Variants in FBXW4 observed in about 807,000 individuals in gnomAD.
FBXW4 encodes F-box and WD repeat domain containing 4, also known as F-box/WD repeat-containing protein 4.
In FBXW4, 40 loss-of-function variants were observed where a neutral mutation model predicts 61.8. That is an observed-to-expected ratio of 0.65 (90% CI 0.50 to 0.84). FBXW4 has a LOEUF of 0.84. Among genes scored for constraint, FBXW4 ranks in the 40% least tolerant of loss-of-function variants. The probability of loss-of-function intolerance (pLI) is 0.00; values close to 1 mark genes in which losing one functional copy is unlikely to be tolerated. For synonymous variants in FBXW4, 311 were observed against 313.8 expected, an observed-to-expected ratio of 0.99 and a Z score of 0.10; for missense variants, 672 against 753.8, an observed-to-expected ratio of 0.89 and a Z score of 1.27.
chr10:101,660,303 A>C, intron 5 of FBXW4: 1 of 579,974 alleles, frequency 1.7e-6, no homozygotes, highest in Non-Finnish European at 2.1e-6. Context: ...GGCTACAATT[A>C]CACACTTGCT....
At chr10:101,693,243 A>G (rs1321849408) in intron 1 of FBXW4, among the ~76,000 whole-genome samples, 3 of 152,242 alleles carry the variant, frequency 2.0e-5, no homozygotes, top group Non-Finnish European at 4.4e-5. Flanking sequence ...AACCTTTGCT[A>G]TAATGCCACC....
intron 1 of FBXW4, among the ~76,000 whole-genome samples, chr10:101,683,289 C>T (rs1337439117): frequency 2.0e-5 from 3 of 152,192 alleles, no homozygotes; most frequent in Non-Finnish European, 2.9e-5. Flanking sequence ...TAAATCTCTC[C>T]GTGGATGTTA....
chr10:101,694,319 G>A lies in FBXW4; in HGVS notation c.725+62C>T, dbSNP rs2064647146. 1.5e-6 allele frequency: 2 copies of A among 1,327,682 alleles called. No homozygotes were observed. The highest frequency in any genetic ancestry group is 4.1e-5 in the Admixed American group (1 of 24,100). The allele number at this position is 1,327,682 out of a possible 1,614,324, so 82.2% of individuals were successfully genotyped here. On this transcript the variant is annotated intron_variant, in intron 1 of 8. Coordinates refer to ENST00000331272, the MANE Select transcript of FBXW4 (RefSeq NM_022039.4). This position sits in a 1 kb window ranked among gnomAD's most constrained non-coding sequence, Gnocchi z 6.0. ...TGGGCCGACCAGGCCGCGGCGCCCC[G>A]CCCTTTCCCGGGACGCGGGGCCGGC...
At chr10:101,613,339 C>T (rs1298896172) in intron 6 of FBXW4, among the ~76,000 whole-genome samples, 2 of 152,242 alleles carry the variant, frequency 1.3e-5, no homozygotes, top group Non-Finnish European at 2.9e-5. Flanking sequence ...ATCCCTGCAG[C>T]CAGGGGATGG....
intron 5 of FBXW4, among the ~76,000 whole-genome samples, chr10:101,627,735 T>C (rs1478676147): frequency 1.3e-5 from 2 of 152,164 alleles, no homozygotes; most frequent in African/African-American, 4.8e-5. Flanking sequence ...ACAAGATAGA[T>C]ATTATTATTC....
chr10:101,623,081 G>A (rs2063880685), intron 6 of FBXW4: 1 of 152,160 alleles, frequency 6.6e-6, no homozygotes, highest in Non-Finnish European at 1.5e-5. Context: ...AGCTATTAGG[G>A]AAATTCAAAT....
intron 6 of FBXW4, among the ~76,000 whole-genome samples, chr10:101,613,572 C>A (rs532786519): frequency 6.6e-6 from 1 of 152,342 alleles, no homozygotes; most frequent in South Asian, 2.1e-4. Context: ...GCCCAAGTAG[C>A]ATGTCAGCAA....
intron 2 of FBXW4, among the ~76,000 whole-genome samples, chr10:101,675,384 G>A (rs747630215): frequency 1.3e-5 from 2 of 152,140 alleles, no homozygotes; most frequent in Non-Finnish European, 2.9e-5. Flanking sequence ...AGAATCCCAG[G>A]GCAGCCTGGT....
rs1323317567 is a variant in FBXW4, at chr10:101,653,737, T to C, written c.1235+14149A>G. ...ACATGCATTGTTTCCGCAATTGCAC[T>C]ATAAGCTCCTACACGGTAAAAACAA... is the stretch of plus-strand genomic sequence containing the variant. On this transcript the variant is annotated intron_variant, in intron 5 of 8. Coordinates refer to ENST00000331272, the MANE Select transcript of FBXW4 (RefSeq NM_022039.4). Among the ~76,000 whole-genome samples the C allele has an allele frequency of 2.6e-5, 4 of 152,340 alleles. No individual in the cohort carries two copies. In the East Asian group the frequency reaches 7.7e-4, roughly 29 times the overall value.
At chr10:101,612,059 C>T (rs1230088791) in intron 7 of FBXW4, among the ~76,000 whole-genome samples, 1 of 152,238 alleles carries the variant, frequency 6.6e-6, no homozygotes, top group Non-Finnish European at 1.5e-5. Context: ...TAACACAGGC[C>T]TCAAGAAAGG....
At chr10:101,691,615 T>C (rs537929894) in intron 1 of FBXW4, among the ~76,000 whole-genome samples, 1 of 152,052 alleles carries the variant, frequency 6.6e-6, no homozygotes, top group Non-Finnish European at 1.5e-5. Context: ...ATTCCCAATA[T>C]CTCTCTTTTA....
chr10:101,694,578 G>A lies in FBXW4; in HGVS notation c.528C>T (p.Arg176=), dbSNP rs906822840. The change falls in exon 1 of 9, where the codon CGC becomes CGT. Residue 176 remains arginine, a synonymous_variant. Coordinates refer to ENST00000331272, the MANE Select transcript of FBXW4 (RefSeq NM_022039.4). The surrounding 1 kb of genome is among the most constrained non-coding windows in gnomAD (Gnocchi z 6.0). ...GCCAGAGCGCAGGCCCCGCGGCCGG[G>A]CGGGCAGCCGACTCCCGAGCCGCCT... The part of the protein sequence containing the change: ...EEEAARESAA[R]PAAGPALWRL... The A allele has an allele frequency of 3.4e-6, 5 of 1,462,974 alleles. No homozygotes were observed. In the African/African-American group the frequency reaches 5.9e-5, roughly 17 times the overall value. 90.6% of individuals were successfully genotyped at this position (1,462,974 alleles called of 1,614,324 possible). A position where few individuals can be genotyped will look rare whatever the true frequency, so the allele number is the denominator to read the frequency against.
chr10:101,685,591 G>A (rs549427210), intron 1 of FBXW4, among the ~76,000 whole-genome samples: 21 of 152,302 alleles, frequency 1.4e-4, no homozygotes, highest in Non-Finnish European at 2.2e-4. Context: ...AAGAGAACAA[G>A]GTCAGGGCTG....
At chr10:101,678,378 T>C (rs1397834282) in intron 1 of FBXW4, among the ~76,000 whole-genome samples, 1 of 152,228 alleles carries the variant, frequency 6.6e-6, no homozygotes, top group Non-Finnish European at 1.5e-5. Flanking sequence ...ATAACTGCCA[T>C]GTCTGCCTGG....
chr10:101,614,539 A>G (rs2063812063), intron 6 of FBXW4, among the ~76,000 whole-genome samples: 1 of 152,194 alleles, frequency 6.6e-6, no homozygotes, highest in Non-Finnish European at 1.5e-5. Flanking sequence ...GGGGAGAGCC[A>G]AGGGCCCAGT....
At chr10:101,622,028 T>A (rs1005074962) in intron 6 of FBXW4, among the ~76,000 whole-genome samples, 5 of 151,086 alleles carry the variant, frequency 3.3e-5, no homozygotes, top group Non-Finnish European at 7.4e-5. Context: ...AAGTAGGGAG[T>A]TTCCCATCCC....
intron 5 of FBXW4, among the ~76,000 whole-genome samples, chr10:101,649,415 T>G (rs567423214): frequency 6.6e-6 from 1 of 152,122 alleles, no homozygotes; most frequent in Non-Finnish European, 1.5e-5. Flanking sequence ...CTCTCAGGCT[T>G]TTTATGAGCT....
At chr10:101,665,810 C>T (rs969049667) in intron 5 of FBXW4, among the ~76,000 whole-genome samples, 14 of 152,086 alleles carry the variant, frequency 9.2e-5, no homozygotes, top group Admixed American at 3.3e-4. Context: ...TAACACATTC[C>T]AGAGGAGGAG....
intron 1 of FBXW4, among the ~76,000 whole-genome samples, chr10:101,687,501 T>C (rs2064545770): frequency 1.3e-5 from 2 of 152,208 alleles, no homozygotes; most frequent in African/African-American, 4.8e-5. Flanking sequence ...AAACTGAAGC[T>C]TCTGTACAGT....
Sources: allele counts gnomAD v4.1 joint callset (sites outside exome capture counted in the v4.1 genomes callset), GRCh38; gene constraint gnomAD v4.1.1; non-coding constraint Gnocchi (gnomAD v3.1); transcripts MANE v1.5; gene names NCBI Gene and HGNC (gene_info 2026-07-23, HGNC 2026-07-21).